The following ASB18 variants were observed in gnomAD, a reference collection of about 807,000 sequenced individuals.
ASB18 encodes the protein ankyrin repeat and SOCS box containing 18, also known as ankyrin repeat and SOCS box protein 18.
A neutral mutation model predicts 33.4 loss-of-function variants in ASB18; 33 were observed. The observed-to-expected ratio is 0.99, with a 90% CI of 0.75 to 1.32. ASB18 has a LOEUF of 1.32. ASB18 is among the 40% of genes most tolerant of loss of function. The pLI is 0.00. For missense variants in ASB18, 694 were observed against 655.5 expected (o/e 1.06, Z -0.64); for synonymous variants, 295 against 307.6 (o/e 0.96, Z 0.43).
At position 236,248,347 on chromosome 2, in the gene ASB18, C is replaced by A. The variant is rs1559337850; in HGVS notation, c.206-6945G>T. On this transcript the variant is annotated intron_variant, in intron 1 of 5. Coordinates refer to ENST00000409749, the MANE Select transcript of ASB18 (RefSeq NM_212556.4). This position sits in a 1 kb window ranked among gnomAD's most constrained non-coding sequence, Gnocchi z 4.9. The stretch of plus-strand genomic sequence containing the variant: ...GTGGCTCATGCCTGTAATCCCAGCA[C>A]TTTAGGAGGCTGAGGCAGGTGGATC... 2 of 152,090 alleles carry A rather than the reference C, an allele frequency of 1.3e-5. No homozygotes were observed. The highest frequency in any genetic ancestry group is 4.8e-5 in the African/African-American group (2 of 41,412). The allele number at this position is 152,090 out of a possible 1,614,324, so 9.4% of individuals were successfully genotyped here.
Position 236,259,235 on chromosome 2 carries a change from G to A in ASB18, c.205+4906C>T, listed in dbSNP as rs2060706990. ...TTGCAGAAACCCAAATCCCAATAGT[G>A]TCTGTGGAAATGCAGTCTGTGCCCA... is the stretch of plus-strand genomic sequence containing the variant. On this transcript the variant is annotated intron_variant, in intron 1 of 5. Coordinates refer to ENST00000409749, the MANE Select transcript of ASB18 (RefSeq NM_212556.4). The surrounding 1 kb of genome is among the most constrained non-coding windows in gnomAD (Gnocchi z 4.4). 6.6e-6 allele frequency among the ~76,000 whole-genome samples: 1 copy of A among 152,234 alleles called. No individual in the cohort carries two copies. The highest frequency in any genetic ancestry group is 2.1e-4 in the South Asian group (1 of 4,838).
In ASB18 at chr2:236,264,255, TCTC is replaced by T; in HGVS notation, c.88_90del (p.Glu30del). The T allele has an allele frequency of 6.2e-7, 1 of 1,614,002 alleles. No individual in the cohort carries two copies. The highest frequency in any genetic ancestry group is 1.3e-5 in the African/African-American group (1 of 75,034). On this transcript the variant is annotated inframe_deletion, in exon 1 of 6. Transcript: ENST00000409749. This position sits in a 1 kb window ranked among gnomAD's most constrained non-coding sequence, Gnocchi z 5.1. ...TCAGTGCAGATTAAATCCCTCACTC[TCTC>T]CTCATCTTTGGCATCCAGGGCAGAC...
intron 4 of ASB18, among the ~76,000 whole-genome samples, chr2:236,201,945 G>T: frequency 6.7e-6 from 1 of 149,056 alleles, no homozygotes; most frequent in East Asian, 2.0e-4. Flanking sequence ...AATTATCTCT[G>T]CTCATTCTTT....
chr2:236,259,411 A>G lies in ASB18; in HGVS notation c.205+4730T>C, dbSNP rs2106287385. The G allele has an allele frequency of 9.5e-6, 4 of 422,808 alleles. No individual in the cohort carries two copies. The highest frequency in any genetic ancestry group is 5.2e-5 in the South Asian group (3 of 57,258). The allele number at this position is 422,808 out of a possible 1,614,324, so 26.2% of individuals were successfully genotyped here. A position where few individuals can be genotyped will look rare whatever the true frequency, so the allele number is the denominator to read the frequency against. On this transcript the variant is annotated intron_variant, in intron 1 of 5. Coordinates refer to ENST00000409749, the MANE Select transcript of ASB18 (RefSeq NM_212556.4). This position sits in a 1 kb window ranked among gnomAD's most constrained non-coding sequence, Gnocchi z 4.4. ...TCTGGCCCTAGAAGAGGTGGCATTC[A>G]GGTTTGAATTATCCAGTTGGTATAT...
Position 236,255,033 on chromosome 2 carries a change from TCCGC to T in ASB18, c.205+9104_205+9107del, listed in dbSNP as rs2060685603. The stretch of plus-strand genomic sequence containing the variant: ...TAAGCTGCCTGCTCCCCATTTGCGT[TCCGC>T]CGCGACTGAAAGCTTCCTGAAGTCT... On this transcript the variant is annotated intron_variant, in intron 1 of 5. Coordinates refer to ENST00000409749, the MANE Select transcript of ASB18 (RefSeq NM_212556.4). The surrounding 1 kb of genome is among the most constrained non-coding windows in gnomAD (Gnocchi z 4.4). Among the ~76,000 whole-genome samples, 1 of 152,184 alleles carries T rather than the reference TCCGC, an allele frequency of 6.6e-6. No individual in the cohort carries two copies. Among genetic ancestry groups the T allele is most frequent in the South Asian group, 2.1e-4 (1 of 4,824 alleles).
rs2060601986 is a variant in ASB18 at position 236,237,779 on chromosome 2, C to A, written c.506G>T (p.Arg169Leu). ...ACLGGHTACV[R>L]LLLQHRADPD... ...GTCGGCGCGGTGCTGCAGCAGCAGG[C>A]GGACGCAGGCGGTGTGGCCCCCGAG... Residue 169 changes from arginine (R) to leucine (L), a missense_variant, in exon 3 of 6, where the codon CGC becomes CTC. Transcript: ENST00000409749. This position sits in a 1 kb window ranked among gnomAD's most constrained non-coding sequence, Gnocchi z 6.2. 4.9e-6 allele frequency: 7 copies of A among 1,441,766 alleles called. No individual in the cohort carries two copies. The highest frequency in any genetic ancestry group is 5.4e-6 in the Non-Finnish European group (6 of 1,101,976). 89.3% of individuals were successfully genotyped at this position (1,441,766 alleles called of 1,614,324 possible). A position where few individuals can be genotyped will look rare whatever the true frequency, so the allele number is the denominator to read the frequency against.
Position 236,222,141 on chromosome 2 carries a change from C to T in ASB18, c.597-7275G>A, listed in dbSNP as rs1280960096. ...CCACGACTTTGATGGAGGAGCGGTT[C>T]CACTTTATTTCCCTGGACCTTCTGC... On this transcript the variant is annotated intron_variant, in intron 3 of 5. Transcript: ENST00000409749. This position sits in a 1 kb window ranked among gnomAD's most constrained non-coding sequence, Gnocchi z 5.5. Among the ~76,000 whole-genome samples the T allele has an allele frequency of 6.6e-6, 1 of 152,168 alleles. No homozygotes were observed. The highest frequency in any genetic ancestry group is 1.5e-5 in the Non-Finnish European group (1 of 68,032).
chr2:236,212,929 C>T (rs1196099517), intron 4 of ASB18, among the ~76,000 whole-genome samples: 1 of 152,206 alleles, frequency 6.6e-6, no homozygotes, highest in Non-Finnish European at 1.5e-5. Context: ...CATGCCTGGC[C>T]TCTTTTCATT....
At chr2:236,232,102 C>CATAAAACAA (rs1191857615) in intron 3 of ASB18, among the ~76,000 whole-genome samples, 1 of 152,040 alleles carries the variant, frequency 6.6e-6, no homozygotes, top group Non-Finnish European at 1.5e-5. Context: ...TATAGCATAT[C>CATAAAACAA]TTGGATCATA....
chr2:236,208,881 C>T lies in ASB18; in HGVS notation c.1101+5481G>A, dbSNP rs536176254. Among the ~76,000 whole-genome samples the T allele has an allele frequency of 4.6e-5, 7 of 152,262 alleles. No individual in the cohort carries two copies. The highest frequency in any genetic ancestry group is 1.9e-4 in the East Asian group (1 of 5,180). On this transcript the variant is annotated intron_variant, in intron 4 of 5. Coordinates refer to ENST00000409749, the MANE Select transcript of ASB18 (RefSeq NM_212556.4). This position sits in a 1 kb window ranked among gnomAD's most constrained non-coding sequence, Gnocchi z 7.7. ...GACATGCTGATGTCATTAGTGTCCA[C>T]GCACACCACACTCTCTTCAGCTAAT...
rs565967401 is a variant in ASB18 at position 236,215,708 on chromosome 2, G to T, written c.597-842C>A. On this transcript the variant is annotated intron_variant, in intron 3 of 5. Coordinates refer to ENST00000409749, the MANE Select transcript of ASB18 (RefSeq NM_212556.4). The surrounding 1 kb of genome is among the most constrained non-coding windows in gnomAD (Gnocchi z 7.2). ...GATGCCTGGTGAGAAGTGTGCCCCAGCCTGGAAGCCGGAAGACAGTCATAC... is the reference window on the plus strand; with the variant it reads ...GATGCCTGGTGAGAAGTGTGCCCCATCCTGGAAGCCGGAAGACAGTCATAC... Among the ~76,000 whole-genome samples the T allele has an allele frequency of 6.6e-6, 1 of 152,196 alleles. No homozygotes were observed. The highest frequency in any genetic ancestry group is 6.5e-5 in the Admixed American group (1 of 15,294).
At chr2:236,199,658 CA>C (rs2060390562) in intron 4 of ASB18, among the ~76,000 whole-genome samples, 1 of 151,438 alleles carries the variant, frequency 6.6e-6, no homozygotes. Flanking sequence ...ATACATAATA[CA>C]GTGCCAGACT....
intron 1 of ASB18, among the ~76,000 whole-genome samples, chr2:236,258,902 C>T (rs2060705406): frequency 6.6e-6 from 1 of 152,166 alleles, no homozygotes; most frequent in Non-Finnish European, 1.5e-5. Context: ...ATTCAAGTAG[C>T]ATCTTGACTT....
rs2060601500 is a variant in ASB18 at position 236,237,724 on chromosome 2, C to T, written c.561G>A (p.Ala187=). Residue 187 remains alanine, a synonymous_variant, in exon 3 of 6, where the codon GCG becomes GCA. Transcript: ENST00000409749. This position sits in a 1 kb window ranked among gnomAD's most constrained non-coding sequence, Gnocchi z 6.2. ...DPDLLSAEGL[A]PLHLCRTAAS... ...CGGCCGTGCGGCAGAGGTGCAGAGGCGCCAGGCCCTCGGCGCTGAGCAGGT... is the reference window on the plus strand; with the variant it reads ...CGGCCGTGCGGCAGAGGTGCAGAGGTGCCAGGCCCTCGGCGCTGAGCAGGT... 1.4e-6 allele frequency: 2 copies of T among 1,459,776 alleles called. No homozygotes were observed. Among genetic ancestry groups the T allele is most frequent in the South Asian group, 2.6e-5 (2 of 76,982 alleles). 90.4% of individuals were successfully genotyped at this position (1,459,776 alleles called of 1,614,324 possible).
At chr2:236,247,936 A>T (rs925420423) in intron 1 of ASB18, 3 of 152,210 alleles carry the variant, frequency 2.0e-5, no homozygotes, top group African/African-American at 7.2e-5. Context: ...GTATTTAGAA[A>T]ACAGAGTGGA....
chr2:236,237,880 G>T lies in ASB18; in HGVS notation c.405C>A (p.Cys135Ter). The T allele has an allele frequency of 6.7e-7, 1 of 1,488,338 alleles. No homozygotes were observed. The highest frequency in any genetic ancestry group is 8.9e-7 in the Non-Finnish European group (1 of 1,126,988). The allele number at this position is 1,488,338 out of a possible 1,614,324, so 92.2% of individuals were successfully genotyped here. ...CGCCGCGGCCGAGCAGGTGTCGCAC[G>T]CAGGCGGTGTGGCCGTGGGCCGCGG... Reference protein sequence around the residue: ...CIAAAHGHTACVRHLLGRGAD... With the variant: ...CIAAAHGHTA The change falls in exon 3 of 6, where the codon TGC becomes TGA. Residue 135 changes from cysteine (C) to a stop codon, truncating the protein, a stop_gained. Coordinates refer to ENST00000409749, the MANE Select transcript of ASB18 (RefSeq NM_212556.4). LOFTEE classifies it high-confidence loss of function. The surrounding 1 kb of genome is among the most constrained non-coding windows in gnomAD (Gnocchi z 6.2).
chr2:236,221,303 G>A lies in ASB18; in HGVS notation c.597-6437C>T, dbSNP rs1489621002. Among the ~76,000 whole-genome samples, 1 of 152,212 alleles carries A rather than the reference G, an allele frequency of 6.6e-6. No individual in the cohort carries two copies. The highest frequency in any genetic ancestry group is 1.5e-5 in the Non-Finnish European group (1 of 68,038). On this transcript the variant is annotated intron_variant, in intron 3 of 5. Transcript: ENST00000409749. The surrounding 1 kb of genome is among the most constrained non-coding windows in gnomAD (Gnocchi z 5.6). Reference sequence around the variant, plus strand: ...GACTCAAACGTCACCTTTTGTGTGTGAGTGGGGAAAGGGACATTGCTTCTG... The same window carrying A: ...GACTCAAACGTCACCTTTTGTGTGTAAGTGGGGAAAGGGACATTGCTTCTG...
rs1559336260 is a variant in ASB18 at position 236,241,311 on chromosome 2, C to T, written c.297G>A (p.Gln99=). 3.1e-6 allele frequency: 5 copies of T among 1,613,652 alleles called. No homozygotes were observed. In the African/African-American group the frequency reaches 5.3e-5, roughly 17 times the overall value. ...GTCCAAACGTGGCTGGAGATTTCAC[C>T]TGCCATTCCATCTCATCCTTATTGA... ...FEINKDEMEW[Q]VKSPATFGLS... is the part of the protein sequence containing the mutation. The change falls in exon 2 of 6, where the codon CAG becomes CAA. Residue 99 remains glutamine (Q), a synonymous_variant. Transcript: ENST00000409749. This position sits in a 1 kb window ranked among gnomAD's most constrained non-coding sequence, Gnocchi z 4.2.
In ASB18 at chr2:236,211,434, C is replaced by G. The variant is rs1188623977; in HGVS notation, c.1101+2928G>C. 6.6e-6 allele frequency among the ~76,000 whole-genome samples: 1 copy of G among 152,240 alleles called. No individual in the cohort carries two copies. Among genetic ancestry groups the G allele is most frequent in the Non-Finnish European group, 1.5e-5 (1 of 68,042 alleles). ...GTGTCCGCCTGCCGCGACGATGGTG[C>G]CTTTGTCTGGGCATGGGGAGCTGTG... is the stretch of plus-strand genomic sequence containing the variant. On this transcript the variant is annotated intron_variant, in intron 4 of 5. Coordinates refer to ENST00000409749, the MANE Select transcript of ASB18 (RefSeq NM_212556.4). This position sits in a 1 kb window ranked among gnomAD's most constrained non-coding sequence, Gnocchi z 5.0.
Sources: gnomAD v4.1 joint callset for allele counts (sites outside exome capture counted in the v4.1 genomes callset) on GRCh38, gnomAD v4.1.1 for gene constraint, Gnocchi (gnomAD v3.1) non-coding constraint, MANE v1.5 for transcripts, NCBI Gene and HGNC (gene_info 2026-07-23, HGNC 2026-07-21) for gene names.